SNTG1: variants seen among roughly 807,000 people sequenced by gnomAD.
SNTG1 encodes syntrophin gamma 1.
Under a neutral mutation model 74.7 loss-of-function variants are expected in SNTG1, and 39 were observed. The ratio of observed to expected loss-of-function variants is 0.52; its 90% CI spans 0.40 to 0.68. The LOEUF is 0.68. Among genes scored for constraint, SNTG1 ranks in the 30% least tolerant of loss-of-function variants. The probability of loss-of-function intolerance (pLI) is 0.00; values close to 1 mark genes in which losing one functional copy is unlikely to be tolerated. For missense variants in SNTG1, 685 were observed against 609.5 expected (o/e 1.12, Z -1.30); for synonymous variants, 254 against 217.1 (o/e 1.17, Z -1.49).
At chr8:50,396,729 A>C (rs2092733058) in intron 3 of SNTG1, among the ~76,000 whole-genome samples, 1 of 152,218 alleles carries the variant, frequency 6.6e-6, no homozygotes, top group African/African-American at 2.4e-5. Flanking sequence ...TAAATTTTAA[A>C]GTTTCATGAA....
intron 9 of SNTG1, among the ~76,000 whole-genome samples, chr8:50,518,886 C>T (rs1237651964): frequency 6.6e-6 from 1 of 152,164 alleles, no homozygotes; most frequent in Non-Finnish European, 1.5e-5. Flanking sequence ...CCAACAGGAG[C>T]TGGCACCATT....
intron 2 of SNTG1, among the ~76,000 whole-genome samples, chr8:50,269,396 G>C (rs181046866): frequency 1.6e-4 from 25 of 152,248 alleles, no homozygotes; most frequent in Admixed American, 1.2e-3. Context: ...AGCAAAATTT[G>C]TTGATTTTAT....
At chr8:50,252,905 C>T (rs1243570609) in intron 2 of SNTG1, among the ~76,000 whole-genome samples, 1 of 152,136 alleles carries the variant, frequency 6.6e-6, no homozygotes, top group East Asian at 1.9e-4. Context: ...AAGAAATACA[C>T]ATGGCTAACA....
At chr8:50,534,741 T>A (rs566719720) in intron 10 of SNTG1, among the ~76,000 whole-genome samples, 1 of 152,202 alleles carries the variant, frequency 6.6e-6, no homozygotes, top group South Asian at 2.1e-4. Context: ...GATCACACCA[T>A]GCACTTCTAA....
intron 2 of SNTG1, among the ~76,000 whole-genome samples, chr8:50,369,318 T>A (rs533560954): frequency 6.6e-6 from 1 of 152,248 alleles, no homozygotes; most frequent in East Asian, 1.9e-4. Flanking sequence ...AAAAAGAGGC[T>A]GGGCACGGTG....
At position 50,701,639 on chromosome 8, in the gene SNTG1, C is replaced by CTG. The variant is rs1435442451; in HGVS notation, c.1039-2960_1039-2959insGT. Among the ~76,000 whole-genome samples the CTG allele has an allele frequency of 1.1e-3, 159 of 145,650 alleles. 1 individual carries two copies. The highest frequency in any genetic ancestry group is 3.9e-3 in the African/African-American group (152 of 38,754). On this transcript the variant is annotated intron_variant, in intron 15 of 18. Coordinates refer to ENST00000642720, the MANE Select transcript of SNTG1 (RefSeq NM_018967.5). ...TCTTCGTGTTCCTCTTCCTCTTCTT[C>CTG]TTCCTCCTCTTTTTCTTCCTCTTCT...
chr8:50,162,721 G>A (rs1415394894), intron 1 of SNTG1, among the ~76,000 whole-genome samples: 1 of 152,084 alleles, frequency 6.6e-6, no homozygotes, highest in African/African-American at 2.4e-5. Context: ...TCACATGTGT[G>A]AAGCTGAGTC....
intron 13 of SNTG1, among the ~76,000 whole-genome samples, chr8:50,634,055 G>A (rs2095022544): frequency 6.6e-6 from 1 of 152,164 alleles, no homozygotes; most frequent in Non-Finnish European, 1.5e-5. Flanking sequence ...CTAAGCTGAA[G>A]CCTAGCAGTG....
At chr8:50,751,524 A>G (rs1464992800) in intron 17 of SNTG1, among the ~76,000 whole-genome samples, 2 of 152,060 alleles carry the variant, frequency 1.3e-5, no homozygotes, top group Non-Finnish European at 2.9e-5. Context: ...ACTGATGCAG[A>G]TGATGGCTCT....
At chr8:50,337,028 G>A (rs535006120) in intron 2 of SNTG1, among the ~76,000 whole-genome samples, 38 of 152,176 alleles carry the variant, frequency 2.5e-4, no homozygotes, top group African/African-American at 7.5e-4. Context: ...CAAAAGTTCC[G>A]TACAGAAAAT....
At chr8:49,974,445 A>T (rs1811999626) in intron 1 of SNTG1, among the ~76,000 whole-genome samples, 1 of 152,200 alleles carries the variant, frequency 6.6e-6, no homozygotes, top group Non-Finnish European at 1.5e-5. Context: ...GCCCAAGGGC[A>T]CATAGTTAAC....
intron 1 of SNTG1, among the ~76,000 whole-genome samples, chr8:49,979,437 T>A (rs1214960153): frequency 1.3e-5 from 2 of 152,226 alleles, no homozygotes; most frequent in Admixed American, 6.5e-5. Flanking sequence ...GGTTCTGTGC[T>A]TTTGATGACA....
chr8:50,745,002 T>A (rs2095551931), intron 17 of SNTG1, among the ~76,000 whole-genome samples: 1 of 151,944 alleles, frequency 6.6e-6, no homozygotes, highest in Admixed American at 6.6e-5. Context: ...CAATAATTTC[T>A]TTGCTATGAC....
At position 50,751,989 on chromosome 8, in the gene SNTG1, TC is replaced by T. The variant is rs58465124; in HGVS notation, c.1285-6del. On this transcript the variant is annotated splice_polypyrimidine_tract_variant and intron_variant, in intron 17 of 18. Coordinates refer to ENST00000642720, the MANE Select transcript of SNTG1 (RefSeq NM_018967.5). ...TTCCACCGACTTACATTGTTTTTTTTCCCCCCTTTAGGCTGTCCTTTGGAGG... is the reference window on the plus strand; with the variant it reads ...TTCCACCGACTTACATTGTTTTTTTTCCCCCTTTAGGCTGTCCTTTGGAGG... 1.4e-5 allele frequency: 21 copies of T among 1,483,230 alleles called. No individual in the cohort carries two copies. Among genetic ancestry groups the T allele is most frequent in the Middle Eastern group, 1.9e-4 (1 of 5,196 alleles). The allele number at this position is 1,483,230 out of a possible 1,614,324, so 91.9% of individuals were successfully genotyped here. A position where few individuals can be genotyped will look rare whatever the true frequency, so the allele number is the denominator to read the frequency against.
At chr8:50,304,051 T>C (rs1256505070) in intron 2 of SNTG1, among the ~76,000 whole-genome samples, 1 of 152,156 alleles carries the variant, frequency 6.6e-6, no homozygotes, top group Admixed American at 6.6e-5. Context: ...AAAACTCATG[T>C]TGAAATTTAA....
Position 50,525,866 on chromosome 8 carries a change from G to A in SNTG1, c.467-4311G>A, listed in dbSNP as rs568453711. 6.0e-5 allele frequency among the ~76,000 whole-genome samples: 9 copies of A among 150,374 alleles called. No homozygotes were observed. The South Asian group carries it at 1.7e-3, about 29-fold the overall frequency. ...CCTGGTTTCCACTTGGTTTTCGGTG[G>A]TTTATTTTGTTTCTCTGTTGCTTCA... On this transcript the variant is annotated intron_variant, in intron 9 of 18. Coordinates refer to ENST00000642720, the MANE Select transcript of SNTG1 (RefSeq NM_018967.5).
At chr8:50,107,587 G>A (rs1378914591) in intron 1 of SNTG1, among the ~76,000 whole-genome samples, 1 of 150,950 alleles carries the variant, frequency 6.6e-6, no homozygotes, top group Non-Finnish European at 1.5e-5. Context: ...GTTTTGTTTT[G>A]TTGGCTGGGC....
At chr8:50,244,398 A>G (rs1191662165) in intron 2 of SNTG1, among the ~76,000 whole-genome samples, 2 of 152,170 alleles carry the variant, frequency 1.3e-5, no homozygotes, top group Admixed American at 1.3e-4. Flanking sequence ...CAACAGGCTC[A>G]AAGTATCAAG....
chr8:50,203,506 A>AT (rs2084072576), intron 2 of SNTG1, among the ~76,000 whole-genome samples: 2 of 152,020 alleles, frequency 1.3e-5, no homozygotes, highest in African/African-American at 4.8e-5. Context: ...TATTTCTAAG[A>AT]TTTTTTATAC....
Sources: allele counts gnomAD v4.1 joint callset (sites outside exome capture counted in the v4.1 genomes callset), GRCh38; gene constraint gnomAD v4.1.1; transcripts MANE v1.5; gene names NCBI Gene and HGNC (gene_info 2026-07-23, HGNC 2026-07-21).